The following FAM133B variants were observed in gnomAD, a reference collection of about 807,000 sequenced individuals.
FAM133B encodes protein FAM133B.
FAM133B carries 25 observed loss-of-function variants against 46.4 expected under a neutral mutation model. That is an observed-to-expected ratio of 0.54 (90% CI 0.39 to 0.75). The LOEUF (loss-of-function observed/expected upper bound fraction) is 0.75, where lower values mean the gene tolerates loss of function less well. Among genes scored for constraint, FAM133B ranks in the 30% least tolerant of loss-of-function variants. FAM133B has a pLI of 0.00. For missense variants in FAM133B, 205 were observed against 277.6 expected (o/e 0.74, Z 1.86); for synonymous variants, 75 against 86.0 (o/e 0.87, Z 0.71).
At chr7:92,565,458 C>T (rs930549808) in intron 10 of FAM133B, 1 of 141,738 alleles carries the variant, frequency 7.1e-6, no homozygotes, top group Non-Finnish European at 1.5e-5. Context: ...CCCACCTGAG[C>T]TTATATATAT....
intron 1 of FAM133B, among the ~76,000 whole-genome samples, chr7:92,587,837 T>C (rs1795080442): frequency 6.6e-6 from 1 of 152,224 alleles, no homozygotes. Flanking sequence ...CATGTCAATG[T>C]AGGTTCATCA....
intron 1 of FAM133B, among the ~76,000 whole-genome samples, chr7:92,583,587 A>G (rs2116419332): frequency 6.6e-6 from 1 of 152,322 alleles, no homozygotes; most frequent in South Asian, 2.1e-4. Flanking sequence ...AAACAAAGCA[A>G]AAGGTTTCTT....
At chr7:92,578,120 C>G (rs376567555) in intron 5 of FAM133B, 30 bp downstream of exon 5, 17 of 1,582,634 alleles carry the variant, frequency 1.1e-5, no homozygotes, top group East Asian at 9.0e-5. Flanking sequence ...TTAATTGTAA[C>G]GTTTAGAAAA....
At chr7:92,577,999 C>CA (rs1794753048) in intron 5 of FAM133B, 151 bp downstream of exon 5, 10 of 729,796 alleles carry the variant, frequency 1.4e-5, no homozygotes, top group Non-Finnish European at 1.8e-5. Flanking sequence ...AGTGATAGAA[C>CA]AAAATCACTC....
intron 8 of FAM133B, among the ~76,000 whole-genome samples, chr7:92,574,757 T>G (rs1466924193): frequency 7.1e-6 from 1 of 141,646 alleles, no homozygotes; most frequent in Non-Finnish European, 1.5e-5. Flanking sequence ...TACAAAAAAT[T>G]AGCCGGGCGC....
At position 92,590,359 on chromosome 7, in the gene FAM133B, T is replaced by C. The variant is rs1053936458; in HGVS notation, c.-68A>G. On this transcript the variant is annotated 5_prime_UTR_variant, in exon 1 of 11. Coordinates refer to ENST00000445716, the MANE Select transcript of FAM133B (RefSeq NM_152789.4). Reference sequence around the variant, plus strand: ...GCCGGAGAGACTGCCGAAGAGGGCCTGCCGCAGGTCCTCTTGCCGCCTCCC... The same window carrying C: ...GCCGGAGAGACTGCCGAAGAGGGCCCGCCGCAGGTCCTCTTGCCGCCTCCC... 1.9e-5 allele frequency: 30 copies of C among 1,608,674 alleles called. No individual in the cohort carries two copies. The highest frequency in any genetic ancestry group is 2.7e-5 in the African/African-American group (2 of 74,712).
chr7:92,582,124 C>T (rs2116415384), intron 1 of FAM133B, among the ~76,000 whole-genome samples: 1 of 152,238 alleles, frequency 6.6e-6, no homozygotes, highest in East Asian at 1.9e-4. Flanking sequence ...TGGCACACGC[C>T]TGTAATCCTA....
chr7:92,571,456 T>C (rs1471356031), intron 8 of FAM133B, among the ~76,000 whole-genome samples: 1 of 152,218 alleles, frequency 6.6e-6, no homozygotes, highest in Non-Finnish European at 1.5e-5. Flanking sequence ...GTTCACAGTT[T>C]AATTTTTGTA....
In FAM133B at chr7:92,578,319, C is replaced by T. The variant is rs778711684; in HGVS notation, c.276G>A (p.Gln92=). 1.5e-5 allele frequency: 25 copies of T among 1,613,076 alleles called. No homozygotes were observed. Among genetic ancestry groups the T allele is most frequent in the Non-Finnish European group, 2.1e-5 (25 of 1,179,448 alleles). ...SGSESSSKKR[Q]RKKKEKKKSG... ...AGCAATAAACTAAAAGTGGTATTAC[C>T]TGTCTTTTTTTGGATGAGCTCTCAC... Residue 92 remains glutamine, a splice_region_variant and synonymous_variant, in exon 4 of 11, where the codon CAG becomes CAA. Transcript: ENST00000445716.
In FAM133B at chr7:92,590,152, G is replaced by A. The variant is rs944257342; in HGVS notation, c.24+116C>T. ...TCGGCGGAGGGTGCTGGGTCTCCAG[G>A]CCCCACGTCTGAGGGCTGCCGCTTG... On this transcript the variant is annotated intron_variant, in intron 1 of 10. Coordinates refer to ENST00000445716, the MANE Select transcript of FAM133B (RefSeq NM_152789.4). 12 of 1,516,066 alleles carry A rather than the reference G, an allele frequency of 7.9e-6. 1 individual carries two copies. Among genetic ancestry groups the A allele is most frequent in the South Asian group, 5.8e-5 (5 of 86,724 alleles). The allele number at this position is 1,516,066 out of a possible 1,614,324, so 93.9% of individuals were successfully genotyped here.
intron 1 of FAM133B, 79 bp downstream of exon 1, chr7:92,590,189 G>A (rs531217998): frequency 5.0e-6 from 8 of 1,609,502 alleles, no homozygotes; most frequent in Non-Finnish European, 6.8e-6. Context: ...CCTCCGGCCC[G>A]GCCGGGAACA....
rs182478983 is a variant in FAM133B at position 92,571,147 on chromosome 7, T to C, written c.517-1232A>G. Among the ~76,000 whole-genome samples the C allele has an allele frequency of 2.6e-5, 4 of 152,320 alleles. No homozygotes were observed. In the East Asian group the frequency reaches 5.8e-4, roughly 22 times the overall value. ...GTGAGTGCAAACTCTTTAATAACGATGACTAAATCAAAGACCAACGTAGCC... is the reference window on the plus strand; with the variant it reads ...GTGAGTGCAAACTCTTTAATAACGACGACTAAATCAAAGACCAACGTAGCC... On this transcript the variant is annotated intron_variant, in intron 8 of 10. Coordinates refer to ENST00000445716, the MANE Select transcript of FAM133B (RefSeq NM_152789.4).
intron 10 of FAM133B, 29 bp downstream of exon 10, chr7:92,565,985 T>G (rs1182191017): frequency 6.2e-7 from 1 of 1,611,786 alleles, no homozygotes. Flanking sequence ...CCTATTCTAT[T>G]GTCTGTAAAA....
chr7:92,576,960 T>C, intron 7 of FAM133B, 143 bp downstream of exon 7: 2 of 428,148 alleles, frequency 4.7e-6, no homozygotes, highest in Admixed American at 4.3e-5. Flanking sequence ...ATGCAAGATA[T>C]TATCAAGTAT....
Position 92,578,382 on chromosome 7 carries a change from T to C in FAM133B, c.213A>G (p.Lys71=). 2 of 1,612,940 alleles carry C rather than the reference T, an allele frequency of 1.2e-6. No individual in the cohort carries two copies. Among genetic ancestry groups the C allele is most frequent in the Non-Finnish European group, 1.7e-6 (2 of 1,179,434 alleles). ...ATTTCTCCCTGTGTTTTTCCAGTTC[T>C]TTCTTCCAGTTCTGCAAAAAGGTTA... ...FEEKMNENWK[K]ELEKHREKLL... is the part of the protein sequence containing the mutation. Residue 71 remains lysine (K), a synonymous_variant, in exon 4 of 11, where the codon AAA becomes AAG. Transcript: ENST00000445716.
rs893375504 is a variant in FAM133B at position 92,579,220 on chromosome 7, C to T, written c.201+97G>A. 14 of 999,052 alleles carry T rather than the reference C, an allele frequency of 1.4e-5. No homozygotes were observed. The African/African-American group carries it at 1.8e-4, about 13-fold the overall frequency. 61.9% of individuals were successfully genotyped at this position (999,052 alleles called of 1,614,324 possible). On this transcript the variant is annotated intron_variant, in intron 3 of 10. Coordinates refer to ENST00000445716, the MANE Select transcript of FAM133B (RefSeq NM_152789.4). ...GCCCAGGCTGGTCATGAACTCCTGG[C>T]CTCCCGTTTCGGCCTCCCAAAGTGC... is the stretch of plus-strand genomic sequence containing the variant.
Position 92,572,510 on chromosome 7 carries a change from G to C in FAM133B, c.517-2595C>G, listed in dbSNP as rs544698883. On this transcript the variant is annotated intron_variant, in intron 8 of 10. Coordinates refer to ENST00000445716, the MANE Select transcript of FAM133B (RefSeq NM_152789.4). ...TGAGGTGGGCGGATCACGTGGTCAAGAGTTCCAGAACAGCCTGACCAACAT... is the reference window on the plus strand; with the variant it reads ...TGAGGTGGGCGGATCACGTGGTCAACAGTTCCAGAACAGCCTGACCAACAT... Among the ~76,000 whole-genome samples the C allele has an allele frequency of 9.8e-5, 15 of 152,340 alleles. No homozygotes were observed. In the East Asian group the frequency reaches 2.9e-3, roughly 29 times the overall value.
chr7:92,562,258 A>T lies in FAM133B; in HGVS notation c.*24T>A, dbSNP rs1794180852. ...CCTCAGACATTGCACTTTCTTTATA[A>T]GGGAATCCTGATTTTTCTTAATGTT... is the stretch of plus-strand genomic sequence containing the variant. On this transcript the variant is annotated 3_prime_UTR_variant, in exon 11 of 11. Transcript: ENST00000445716. 3 of 1,516,464 alleles carry T rather than the reference A, an allele frequency of 2.0e-6. No homozygotes were observed. Among genetic ancestry groups the T allele is most frequent in the Non-Finnish European group, 1.8e-6 (2 of 1,141,508 alleles). 93.9% of individuals were successfully genotyped at this position (1,516,464 alleles called of 1,614,324 possible).
chr7:92,583,860 C>T (rs1450051835), intron 1 of FAM133B, among the ~76,000 whole-genome samples: 1 of 151,668 alleles, frequency 6.6e-6, no homozygotes, highest in African/African-American at 2.4e-5. Context: ...ATCAGCCTGG[C>T]CAACATGGTG....
Sources: gnomAD v4.1 joint callset for allele counts (sites outside exome capture counted in the v4.1 genomes callset) on GRCh38, gnomAD v4.1.1 for gene constraint, MANE v1.5 for transcripts, NCBI Gene and HGNC (gene_info 2026-07-23, HGNC 2026-07-21) for gene names.